Variants in ACOXL observed in about 807,000 individuals in gnomAD.
ACOXL encodes the protein acyl-CoA oxidase like.
ACOXL carries 70 observed loss-of-function variants against 71.9 expected under a neutral mutation model. The observed-to-expected ratio is 0.97, with a 90% confidence interval of 0.80 to 1.19. ACOXL has a LOEUF of 1.19. Ranked by LOEUF, ACOXL falls within the 50% of genes most tolerant of loss-of-function variation. ACOXL has a pLI of 0.00. For missense variants in ACOXL, 703 were observed against 736.3 expected (o/e 0.95, Z 0.52); for synonymous variants, 253 against 281.6 (o/e 0.90, Z 1.02).
intron 1 of ACOXL, among the ~76,000 whole-genome samples, chr2:110,758,866 G>T (rs1451461853): frequency 6.6e-6 from 1 of 152,116 alleles, no homozygotes; most frequent in African/African-American, 2.4e-5. Context: ...AGAGATTCTG[G>T]TACATCATTT....
chr2:110,794,232 G>T, intron 5 of ACOXL, 58 bp downstream of exon 5: 2 of 1,510,638 alleles, frequency 1.3e-6, no homozygotes, highest in African/African-American at 2.7e-5. Context: ...GACAGAAACA[G>T]ATCTCCTTCT....
chr2:110,789,880 T>G (rs1262506510), intron 3 of ACOXL, among the ~76,000 whole-genome samples: 1 of 152,254 alleles, frequency 6.6e-6, no homozygotes, highest in African/African-American at 2.4e-5. Context: ...AGGAATGGCC[T>G]GGCCTATTGC....
At chr2:110,943,583 A>T (rs2060979589) in intron 12 of ACOXL, among the ~76,000 whole-genome samples, 1 of 152,170 alleles carries the variant, frequency 6.6e-6, no homozygotes, top group South Asian at 2.1e-4. Flanking sequence ...TGGGTGAATG[A>T]GACCCCCTTA....
At chr2:110,973,934 G>A (rs570591919) in intron 12 of ACOXL, among the ~76,000 whole-genome samples, 2 of 152,160 alleles carry the variant, frequency 1.3e-5, no homozygotes, top group Non-Finnish European at 2.9e-5. Context: ...ACATAGCTTA[G>A]TGCTGGGGAG....
intron 17 of ACOXL, chr2:111,099,650 T>G (rs1190543508): frequency 1.3e-5 from 2 of 152,236 alleles, no homozygotes; most frequent in Non-Finnish European, 2.9e-5. Flanking sequence ...TCCTGGCCAT[T>G]AAGCATTTTT....
chr2:110,891,208 C>T (rs1198406766), intron 10 of ACOXL, among the ~76,000 whole-genome samples: 1 of 151,994 alleles, frequency 6.6e-6, no homozygotes, highest in Non-Finnish European at 1.5e-5. Flanking sequence ...ATCATGTTAT[C>T]TGCAAGTAGA....
chr2:111,090,783 G>C (rs942937836), intron 16 of ACOXL, among the ~76,000 whole-genome samples: 3 of 152,198 alleles, frequency 2.0e-5, no homozygotes, highest in Non-Finnish European at 2.9e-5. Flanking sequence ...ATGACCCTCT[G>C]TCAGGGGTGT....
chr2:110,756,864 A>T (rs1679766988), intron 1 of ACOXL, among the ~76,000 whole-genome samples: 1 of 152,090 alleles, frequency 6.6e-6, no homozygotes, highest in Admixed American at 6.6e-5. Flanking sequence ...TTTAAAAAAA[A>T]TTTTACGGGA....
At chr2:110,740,892 A>G (rs960193503) in intron 1 of ACOXL, among the ~76,000 whole-genome samples, 1 of 152,214 alleles carries the variant, frequency 6.6e-6, no homozygotes, top group Non-Finnish European at 1.5e-5. Context: ...CACAGTGACA[A>G]CACTGTTAGG....
At chr2:111,045,939 G>T (rs919632220) in intron 15 of ACOXL, among the ~76,000 whole-genome samples, 5 of 152,204 alleles carry the variant, frequency 3.3e-5, no homozygotes, top group African/African-American at 1.2e-4. Flanking sequence ...ACAAAACGGG[G>T]TCATGGCTGT....
At chr2:111,056,115 G>A (rs745628203) in intron 16 of ACOXL, among the ~76,000 whole-genome samples, 2 of 151,772 alleles carry the variant, frequency 1.3e-5, no homozygotes, top group African/African-American at 2.4e-5. Flanking sequence ...CAGGAGCATT[G>A]TTTGAGCTCA....
chr2:110,789,351 A>G (rs1684386585), intron 3 of ACOXL, among the ~76,000 whole-genome samples: 1 of 152,106 alleles, frequency 6.6e-6, no homozygotes, highest in Admixed American at 6.5e-5. Flanking sequence ...TGGCTGTTCT[A>G]TTTTGCCTTA....
At chr2:111,023,459 A>G (rs2064872324) in intron 14 of ACOXL, among the ~76,000 whole-genome samples, 1 of 151,964 alleles carries the variant, frequency 6.6e-6, no homozygotes, top group Non-Finnish European at 1.5e-5. Flanking sequence ...AAAAAATGGG[A>G]TTTTTTGATT....
Position 110,914,992 on chromosome 2 carries a change from G to A in ACOXL, c.905+6087G>A, listed in dbSNP as rs192984855. Among the ~76,000 whole-genome samples, 535 of 152,238 alleles carry A rather than the reference G, an allele frequency of 3.5e-3. 6 individuals carry two copies. Among genetic ancestry groups the A allele is most frequent in the African/African-American group, 0.012 (508 of 41,542 alleles). ...ATCCCCTCAAGCATTTATCCTTTGT[G>A]TTACAAACAATCCAATGACACTCTT... is the stretch of plus-strand genomic sequence containing the variant. On this transcript the variant is annotated intron_variant, in intron 11 of 17. Transcript: ENST00000439055.
At chr2:110,833,380 A>T (rs1468272595) in intron 9 of ACOXL, among the ~76,000 whole-genome samples, 1 of 152,220 alleles carries the variant, frequency 6.6e-6, no homozygotes, top group Non-Finnish European at 1.5e-5. Context: ...AATTATGGAA[A>T]CGGAGAGCAG....
intron 12 of ACOXL, among the ~76,000 whole-genome samples, chr2:110,985,201 T>C (rs751885633): frequency 7.9e-5 from 12 of 152,186 alleles, no homozygotes; most frequent in Non-Finnish European, 1.8e-4. Flanking sequence ...CTAGTTAAAG[T>C]CATTTTATTT....
In ACOXL at chr2:111,117,642, GGAT is replaced by G; in HGVS notation, c.1574_1576del (p.Asp525del). ...TGCTGGATTTGTGCGACTCGGTGAA[GGAT>G]GATGCCCGGAGGGTGATCTCGACCT... On this transcript the variant is annotated inframe_deletion, in exon 18 of 18. Coordinates refer to ENST00000439055, the MANE Select transcript of ACOXL (RefSeq NM_001142807.4). The G allele has an allele frequency of 1.3e-6, 2 of 1,551,796 alleles. No individual in the cohort carries two copies. Among genetic ancestry groups the G allele is most frequent in the Non-Finnish European group, 8.7e-7 (1 of 1,147,022 alleles).
intron 15 of ACOXL, among the ~76,000 whole-genome samples, chr2:111,035,354 C>A (rs1574554293): frequency 6.6e-6 from 1 of 152,302 alleles, no homozygotes; most frequent in East Asian, 1.9e-4. Context: ...GTAACTGTTA[C>A]AATGATAAAT....
At chr2:111,099,847 C>T (rs1429466119) in intron 17 of ACOXL, 2 of 152,214 alleles carry the variant, frequency 1.3e-5, no homozygotes, top group Non-Finnish European at 2.9e-5. Context: ...AATGACCCAA[C>T]AGTTAACAAT....
Sources: gnomAD v4.1 joint callset for allele counts (sites outside exome capture counted in the v4.1 genomes callset) on GRCh38, gnomAD v4.1.1 for gene constraint, MANE v1.5 for transcripts, NCBI Gene and HGNC (gene_info 2026-07-23, HGNC 2026-07-21) for gene names.